Variants in PPIE observed in about 807,000 individuals in gnomAD.
PPIE encodes the protein peptidyl-prolyl cis-trans isomerase E.
A neutral mutation model predicts 38.4 loss-of-function variants in PPIE; 20 were observed. That is an observed-to-expected ratio of 0.52 (90% CI 0.37 to 0.76). PPIE has a LOEUF of 0.76. Among genes scored for constraint, PPIE ranks in the 30% least tolerant of loss-of-function variants. The probability of loss-of-function intolerance (pLI) is 0.00; values close to 1 mark genes in which losing one functional copy is unlikely to be tolerated. For synonymous variants in PPIE, 142 were observed against 135.7 expected (o/e 1.05, Z -0.32); for missense variants, 322 against 385.8 (o/e 0.83, Z 1.39).
chr1:39,755,197 A>G lies in PPIE; in HGVS notation c.*1842A>G. On this transcript the variant is annotated 3_prime_UTR_variant, in exon 10 of 10. Transcript: ENST00000324379. ...GGACTGAGTCCTGTAGCTGTTGGAC[A>G]CCTCCTGTGGGTTGGGTCACTCAGA... The G allele has an allele frequency of 1.0e-6, 1 of 985,352 alleles. No individual in the cohort carries two copies. The allele number at this position is 985,352 out of a possible 1,614,324, so 61.0% of individuals were successfully genotyped here.
rs1648119904 is a variant in PPIE at position 39,755,041 on chromosome 1, C to T, written c.*1686C>T. ...ACTGAAGAGAACAAATGGTCCCACC[C>T]CCTGCTGAGCTCACAGTCTGGCTCT... is the stretch of plus-strand genomic sequence containing the variant. On this transcript the variant is annotated 3_prime_UTR_variant, in exon 10 of 10. Transcript: ENST00000324379. 2.0e-6 allele frequency: 2 copies of T among 985,426 alleles called. No homozygotes were observed. Among genetic ancestry groups the T allele is most frequent in the Admixed American group, 1.2e-4 (2 of 16,286 alleles). The allele number at this position is 985,426 out of a possible 1,614,324, so 61.0% of individuals were successfully genotyped here.
chr1:39,755,419 G>T lies in PPIE; in HGVS notation c.*2064G>T, dbSNP rs1648161108. On this transcript the variant is annotated 3_prime_UTR_variant, in exon 10 of 10. Transcript: ENST00000324379. ...AGCTGCTACAGTTGACTGAGTTCAG[G>T]CTCCATGTAGCTGGGATATACTACA... The T allele has an allele frequency of 1.0e-6, 1 of 985,296 alleles. No individual in the cohort carries two copies. The highest frequency in any genetic ancestry group is 1.2e-6 in the Non-Finnish European group (1 of 829,938). The allele number at this position is 985,296 out of a possible 1,614,324, so 61.0% of individuals were successfully genotyped here.
At position 39,753,071 on chromosome 1, in the gene PPIE, G is replaced by A. The variant is rs758832866; in HGVS notation, c.837+19G>A. 9.3e-6 allele frequency: 15 copies of A among 1,613,870 alleles called. No homozygotes were observed. On this transcript the variant is annotated intron_variant, in intron 9 of 9. Coordinates refer to ENST00000324379, the MANE Select transcript of PPIE (RefSeq NM_006112.4). Reference sequence around the variant, plus strand: ...AATTGAGGTATGTGGCCAGGAATGGGCCTCCTCCTTACCCAGGCCCTAGGA... The same window carrying A: ...AATTGAGGTATGTGGCCAGGAATGGACCTCCTCCTTACCCAGGCCCTAGGA...
chr1:39,746,877 T>C (rs1647224709), intron 7 of PPIE: 2 of 152,254 alleles, frequency 1.3e-5, no homozygotes, highest in Non-Finnish European at 1.5e-5. Flanking sequence ...TTAAAGTGTT[T>C]GTTAGCAGTA....
Position 39,754,993 on chromosome 1 carries a change from T to C in PPIE, c.*1638T>C. 1.0e-6 allele frequency: 1 copy of C among 985,286 alleles called. No individual in the cohort carries two copies. The highest frequency in any genetic ancestry group is 5.2e-4 in the Middle Eastern group (1 of 1,914). 61.0% of individuals were successfully genotyped at this position (985,286 alleles called of 1,614,324 possible). A position where few individuals can be genotyped will look rare whatever the true frequency, so the allele number is the denominator to read the frequency against. ...GCCTAAAATACTTACTATCTGAGCC[T>C]TTACAAAACAGGATTGCCAGCCACT... On this transcript the variant is annotated 3_prime_UTR_variant, in exon 10 of 10. Transcript: ENST00000324379.
intron 9 of PPIE, chr1:39,762,369 A>G: frequency 9.3e-7 from 1 of 1,079,012 alleles, no homozygotes. Flanking sequence ...CCTAAGGGGA[A>G]AACATAAGGC....
downstream of PPIE, among the ~76,000 whole-genome samples, chr1:39,761,028 C>T (rs540513795): frequency 4.6e-5 from 7 of 152,050 alleles, no homozygotes; most frequent in East Asian, 1.9e-4. Flanking sequence ...GCCAGGCCTC[C>T]GCCCCTCTCC....
intron 3 of PPIE, 117 bp downstream of exon 3, chr1:39,741,526 G>C (rs1647057325): frequency 1.9e-6 from 2 of 1,066,654 alleles, no homozygotes; most frequent in South Asian, 1.3e-5. Context: ...CTTCCAGAGA[G>C]ATCAGAAGTA....
At position 39,741,608 on chromosome 1, in the gene PPIE, C is replaced by T. The variant is rs144698476; in HGVS notation, c.174+199C>T. The T allele has an allele frequency of 9.8e-4, 630 of 643,692 alleles. 2 individuals carry two copies. The African/African-American group carries it at 0.01, about 10-fold the overall frequency. The allele number at this position is 643,692 out of a possible 1,614,324, so 39.9% of individuals were successfully genotyped here. A position where few individuals can be genotyped will look rare whatever the true frequency, so the allele number is the denominator to read the frequency against. On this transcript the variant is annotated intron_variant, in intron 3 of 9. Transcript: ENST00000324379. ...TGAATAACATGTCAGACCTGCCAGG[C>T]CCTCCCATTCTTGCCCTGCAGAGGA...
intron 8 of PPIE, 119 bp from the exon 9 acceptor site, chr1:39,752,791 G>T: frequency 8.2e-7 from 1 of 1,218,800 alleles, no homozygotes; most frequent in Admixed American, 2.6e-5. Flanking sequence ...ATTTGCATGT[G>T]ATCTGTGCAT....
In PPIE at chr1:39,755,015, C is replaced by T. The variant is rs1318680777; in HGVS notation, c.*1660C>T. ...GCCTTTACAAAACAGGATTGCCAGC[C>T]ACTGAAGAGAACAAATGGTCCCACC... On this transcript the variant is annotated 3_prime_UTR_variant, in exon 10 of 10. Transcript: ENST00000324379. 2 of 985,344 alleles carry T rather than the reference C, an allele frequency of 2.0e-6. No individual in the cohort carries two copies. The highest frequency in any genetic ancestry group is 3.5e-5 in the African/African-American group (2 of 57,258). The allele number at this position is 985,344 out of a possible 1,614,324, so 61.0% of individuals were successfully genotyped here. A position where few individuals can be genotyped will look rare whatever the true frequency, so the allele number is the denominator to read the frequency against.
chr1:39,762,718 C>T (rs1464188194), intron 9 of PPIE: 22 of 1,446,796 alleles, frequency 1.5e-5, no homozygotes, highest in African/African-American at 8.6e-5. Context: ...GACTTGCCAG[C>T]GTACTCGGCG....
At chr1:39,745,547 G>A (rs1450302995) in intron 7 of PPIE, 49 bp downstream of exon 7, 3 of 1,612,276 alleles carry the variant, frequency 1.9e-6, no homozygotes, top group Admixed American at 1.7e-5. Flanking sequence ...TGGCTGAGCA[G>A]TGAGCCTTTC....
At position 39,753,436 on chromosome 1, in the gene PPIE, C is replaced by A; in HGVS notation, c.*81C>A. 1 of 1,569,912 alleles carries A rather than the reference C, an allele frequency of 6.4e-7. No homozygotes were observed. Among genetic ancestry groups the A allele is most frequent in the South Asian group, 1.2e-5 (1 of 83,562 alleles). On this transcript the variant is annotated 3_prime_UTR_variant, in exon 10 of 10. Transcript: ENST00000324379. The stretch of plus-strand genomic sequence containing the variant: ...ACTGCCAGCCTCAGAGGAGGCAGCA[C>A]CGAGGGTGCCTGTTTGAAGCAAGCA...
At chr1:39,763,196 C>T (rs1421768856) in intron 9 of PPIE, 27 of 1,611,910 alleles carry the variant, frequency 1.7e-5, no homozygotes, top group Non-Finnish European at 2.0e-5. Context: ...GGAGCGATGA[C>T]CCAGTCCTGG....
chr1:39,762,999 G>A (rs1422291140), intron 9 of PPIE: 3 of 1,457,552 alleles, frequency 2.1e-6, no homozygotes, highest in Non-Finnish European at 2.9e-6. Flanking sequence ...CGCGGAGCAG[G>A]TGGCCTCACT....
chr1:39,758,009 G>A (rs1648474871), downstream of PPIE: 1 of 152,162 alleles, frequency 6.6e-6, no homozygotes, highest in African/African-American at 2.4e-5. Context: ...CTTGATTAAT[G>A]GGTAAGGTGT....
chr1:39,740,106 A>G lies in PPIE; in HGVS notation c.32-59A>G. Reference sequence around the variant, plus strand: ...CTGGCTAGCATGCTAACTGGGCTGCAAGGACTTCTGCAAGAGTATGGAGAT... The same window carrying G: ...CTGGCTAGCATGCTAACTGGGCTGCGAGGACTTCTGCAAGAGTATGGAGAT... On this transcript the variant is annotated intron_variant, in intron 1 of 9. Coordinates refer to ENST00000324379, the MANE Select transcript of PPIE (RefSeq NM_006112.4). 10 of 1,407,918 alleles carry G rather than the reference A, an allele frequency of 7.1e-6. No individual in the cohort carries two copies. The South Asian group carries it at 1.0e-4, about 15-fold the overall frequency. 87.2% of individuals were successfully genotyped at this position (1,407,918 alleles called of 1,614,324 possible).
chr1:39,741,060 T>C (rs12131790), intron 2 of PPIE, among the ~76,000 whole-genome samples: 10,245 of 152,328 alleles, frequency 0.067, 371 homozygotes, highest in Middle Eastern at 0.16. Context: ...CAAATGACTT[T>C]ATTTTTCTAA....
Sources: allele counts gnomAD v4.1 joint callset (sites outside exome capture counted in the v4.1 genomes callset), GRCh38; gene constraint gnomAD v4.1.1; transcripts MANE v1.5; gene names NCBI Gene and HGNC (gene_info 2026-07-23, HGNC 2026-07-21).